Variants in ZFYVE9 observed in about 807,000 individuals in gnomAD.
The protein encoded by ZFYVE9 is zinc finger FYVE-type containing 9.
A neutral mutation model predicts 126.7 loss-of-function variants in ZFYVE9; 43 were observed. The observed-to-expected ratio is 0.34, with a 90% CI of 0.27 to 0.44. The LOEUF (loss-of-function observed/expected upper bound fraction) is 0.44, where lower values mean the gene tolerates loss of function less well. ZFYVE9 is among the 20% of genes least tolerant of loss of function. The pLI is 1.00. For synonymous variants in ZFYVE9, 521 were observed against 597.4 expected, an observed-to-expected ratio of 0.87 and a Z score of 1.87; for missense variants, 1,476 against 1,697.0, an observed-to-expected ratio of 0.87 and a Z score of 2.29.
chr1:52,177,206 A>G (rs888285774), intron 1 of ZFYVE9, among the ~76,000 whole-genome samples: 3 of 151,170 alleles, frequency 2.0e-5, no homozygotes, highest in Non-Finnish European at 4.4e-5. Flanking sequence ...CTGGAGTGCA[A>G]TGGCAGGATC....
chr1:52,153,019 A>G (rs917958887), intron 1 of ZFYVE9, among the ~76,000 whole-genome samples: 2 of 152,228 alleles, frequency 1.3e-5, no homozygotes, highest in African/African-American at 4.8e-5. Context: ...TGCCTGTTAG[A>G]GGAGGCCTGC....
chr1:52,183,848 TTCTA>T (rs1247672583), intron 1 of ZFYVE9, among the ~76,000 whole-genome samples: 115 of 119,720 alleles, frequency 9.6e-4, no homozygotes, highest in Non-Finnish European at 1.3e-3. Context: ...AGCTTTTCTT[TTCTA>T]TCTTTCTTTT....
chr1:52,304,025 A>G (rs1254966677), intron 13 of ZFYVE9, 100 bp downstream of exon 13: 10 of 690,230 alleles, frequency 1.4e-5, no homozygotes, highest in African/African-American at 9.4e-5. Flanking sequence ...TTAATTAACA[A>G]TGAAATCAGT....
At chr1:52,164,638 G>T (rs897489186) in intron 1 of ZFYVE9, among the ~76,000 whole-genome samples, 1 of 151,618 alleles carries the variant, frequency 6.6e-6, no homozygotes, top group Non-Finnish European at 1.5e-5. Context: ...ATCTTTGTCC[G>T]TCCGTCCATC....
At chr1:52,231,180 G>C (rs777691685) in intron 2 of ZFYVE9, among the ~76,000 whole-genome samples, 9 of 152,096 alleles carry the variant, frequency 5.9e-5, no homozygotes, top group Non-Finnish European at 1.0e-4. Context: ...AAATGATTTT[G>C]ACCTATAAAT....
intron 4 of ZFYVE9, among the ~76,000 whole-genome samples, chr1:52,245,464 C>T (rs553150329): frequency 4.6e-5 from 7 of 152,156 alleles, no homozygotes; most frequent in South Asian, 2.1e-4. Context: ...ATGTGCCAGG[C>T]GCTTTTCTAA....
intron 1 of ZFYVE9, among the ~76,000 whole-genome samples, chr1:52,199,088 T>A (rs1644897964): frequency 6.6e-6 from 1 of 150,908 alleles, no homozygotes; most frequent in African/African-American, 2.4e-5. Flanking sequence ...TTTTTTGAGA[T>A]GGAATCTTGC....
At chr1:52,340,799 G>C (rs1208018076) in intron 17 of ZFYVE9, among the ~76,000 whole-genome samples, 1 of 150,954 alleles carries the variant, frequency 6.6e-6, no homozygotes, top group Non-Finnish European at 1.5e-5. Flanking sequence ...TGCCTGAGAG[G>C]CTGAGGCATG....
chr1:52,266,405 T>TAAAAAAA (rs33996604), intron 5 of ZFYVE9, among the ~76,000 whole-genome samples: 15 of 85,636 alleles, frequency 1.8e-4, no homozygotes, highest in African/African-American at 4.8e-4. Flanking sequence ...TCTAATTCTT[T>TAAAAAAA]AAAAAAAAAA....
intron 8 of ZFYVE9, among the ~76,000 whole-genome samples, chr1:52,275,457 A>G (rs1210494824): frequency 2.0e-5 from 3 of 152,192 alleles, no homozygotes; most frequent in Non-Finnish European, 2.9e-5. Flanking sequence ...TCTTTGAGAA[A>G]TCTCCAAACT....
chr1:52,164,106 C>T (rs1489591413), intron 1 of ZFYVE9, among the ~76,000 whole-genome samples: 1 of 151,934 alleles, frequency 6.6e-6, no homozygotes. Flanking sequence ...TGCGCACCAC[C>T]ACACCTAGCT....
At chr1:52,343,469 C>T (rs926028542) in intron 17 of ZFYVE9, among the ~76,000 whole-genome samples, 2 of 149,848 alleles carry the variant, frequency 1.3e-5, no homozygotes, top group East Asian at 4.0e-4. Context: ...AAAAGAAGTC[C>T]TTTGGGCCGG....
At chr1:52,270,827 T>A (rs1645685360) in intron 7 of ZFYVE9, among the ~76,000 whole-genome samples, 3 of 152,038 alleles carry the variant, frequency 2.0e-5, no homozygotes, top group Admixed American at 2.0e-4. Flanking sequence ...AGTTTCAGAT[T>A]AAACATTTTT....
intron 1 of ZFYVE9, chr1:52,180,481 T>A: frequency 1.0e-6 from 1 of 958,366 alleles, no homozygotes; most frequent in Non-Finnish European, 1.7e-6. Context: ...AAGAAGCCAG[T>A]TGAAGATGTA....
intron 12 of ZFYVE9, among the ~76,000 whole-genome samples, 199 bp downstream of exon 12, chr1:52,296,176 TAC>T (rs148768305): frequency 0.011 from 1,627 of 150,134 alleles, 22 homozygotes; most frequent in African/African-American, 0.033. Context: ...TTCATATGTA[TAC>T]ACACACACAC....
chr1:52,253,821 A>G (rs1569592307), intron 4 of ZFYVE9: 3 of 1,551,776 alleles, frequency 1.9e-6, no homozygotes, highest in Non-Finnish European at 2.7e-6. Flanking sequence ...TGAACATCCA[A>G]TTCAGAAGAA....
chr1:52,161,637 C>T (rs956749512), intron 1 of ZFYVE9, among the ~76,000 whole-genome samples: 2 of 152,176 alleles, frequency 1.3e-5, no homozygotes, highest in Admixed American at 6.5e-5. Flanking sequence ...TAGGAGTCTG[C>T]AAGCTTTTTA....
chr1:52,285,829 C>G (rs1645852910), intron 10 of ZFYVE9, among the ~76,000 whole-genome samples: 1 of 152,134 alleles, frequency 6.6e-6, no homozygotes. Flanking sequence ...AAACCCATCC[C>G]TGGTGCCAAA....
intron 1 of ZFYVE9, among the ~76,000 whole-genome samples, chr1:52,202,748 C>T (rs565103748): frequency 2.6e-4 from 39 of 151,296 alleles, no homozygotes; most frequent in Admixed American, 6.6e-4. Flanking sequence ...TGCAGTGGCA[C>T]GATCTTGGCT....
Sources: allele counts gnomAD v4.1 joint callset (sites outside exome capture counted in the v4.1 genomes callset), GRCh38; gene constraint gnomAD v4.1.1; transcripts MANE v1.5; gene names NCBI Gene and HGNC (gene_info 2026-07-23, HGNC 2026-07-21).